The following PTPRT variants were observed in gnomAD, a reference collection of about 807,000 sequenced individuals.
The protein encoded by PTPRT is protein tyrosine phosphatase receptor type T, also known as receptor-type tyrosine-protein phosphatase T.
Under a neutral mutation model 176.8 loss-of-function variants are expected in PTPRT, and 56 were observed. The observed-to-expected ratio is 0.32, with a 90% CI of 0.26 to 0.40. The LOEUF is 0.40. PTPRT is among the 10% of genes least tolerant of loss of function. PTPRT has a pLI of 1.00. For synonymous variants in PTPRT, 783 were observed against 739.0 expected, an observed-to-expected ratio of 1.06 and a Z score of -0.96; for missense variants, 1,540 against 1,908.2, an observed-to-expected ratio of 0.81 and a Z score of 3.60.
the PTPRT span, among the ~76,000 whole-genome samples, chr20:42,039,589 T>C: frequency 6.6e-6 from 1 of 151,610 alleles, no homozygotes; most frequent in African/African-American, 2.4e-5. Context: ...AGTATTCATC[T>C]TTCTGTGCCT....
intron 7 of PTPRT, among the ~76,000 whole-genome samples, chr20:42,511,516 T>A (rs2071956436): frequency 6.6e-6 from 1 of 152,064 alleles, no homozygotes; most frequent in Non-Finnish European, 1.5e-5. Flanking sequence ...GGACTTTTTT[T>A]TTTTTCATGA....
intron 1 of PTPRT, among the ~76,000 whole-genome samples, chr20:43,046,627 G>A (rs1226006429): frequency 6.6e-6 from 1 of 152,070 alleles, no homozygotes; most frequent in Non-Finnish European, 1.5e-5. Context: ...CTGTGGTGGG[G>A]GCATGCAGTT....
chr20:42,633,895 TATATA>T (rs1260928627), intron 7 of PTPRT, among the ~76,000 whole-genome samples: 8 of 65,332 alleles, frequency 1.2e-4, no homozygotes, highest in East Asian at 3.8e-4. Flanking sequence ...ATAATTATTA[TATATA>T]ATATAATATA....
At chr20:42,727,298 T>A (rs1464385607) in intron 6 of PTPRT, among the ~76,000 whole-genome samples, 1 of 152,234 alleles carries the variant, frequency 6.6e-6, no homozygotes, top group Non-Finnish European at 1.5e-5. Context: ...ACTTGACATC[T>A]TTCGGTGAAG....
chr20:43,187,982 G>C (rs2015437286), intron 1 of PTPRT, among the ~76,000 whole-genome samples: 1 of 152,228 alleles, frequency 6.6e-6, no homozygotes, highest in East Asian at 1.9e-4. Flanking sequence ...TTCCCGAGCC[G>C]GTACGGGTTT....
intron 2 of PTPRT, among the ~76,000 whole-genome samples, chr20:42,868,809 G>A (rs2078794799): frequency 6.6e-6 from 1 of 152,128 alleles, no homozygotes; most frequent in Non-Finnish European, 1.5e-5. Flanking sequence ...ATGGCCTGGG[G>A]GACAAAACTG....
the PTPRT span, among the ~76,000 whole-genome samples, chr20:42,049,397 C>T: frequency 6.6e-6 from 1 of 152,248 alleles, no homozygotes; most frequent in Non-Finnish European, 1.5e-5. Context: ...GCTACATGGG[C>T]TCCACTGCCT....
At chr20:43,112,949 T>C (rs2012923120) in intron 1 of PTPRT, among the ~76,000 whole-genome samples, 1 of 152,004 alleles carries the variant, frequency 6.6e-6, no homozygotes, top group African/African-American at 2.4e-5. Context: ...TCTCCTGGGG[T>C]TTTGCATGTA....
rs188102459 is a variant in PTPRT at position 42,967,654 on chromosome 20, G to A, written c.89-81722C>T. Reference sequence around the variant, plus strand: ...ATTTGTTACTACAGCCCTACGAACCGAAAACAGTGACCAACCCCATTCACC... The same window carrying A: ...ATTTGTTACTACAGCCCTACGAACCAAAAACAGTGACCAACCCCATTCACC... On this transcript the variant is annotated intron_variant, in intron 1 of 30. Coordinates refer to ENST00000373187, the MANE Select transcript of PTPRT (RefSeq NM_007050.6). Among the ~76,000 whole-genome samples, 5 of 152,186 alleles carry A rather than the reference G, an allele frequency of 3.3e-5. No homozygotes were observed. In the East Asian group the frequency reaches 5.8e-4, roughly 18 times the overall value.
intron 9 of PTPRT, among the ~76,000 whole-genome samples, chr20:42,412,905 T>G (rs1320339967): frequency 2.0e-5 from 3 of 152,124 alleles, no homozygotes; most frequent in African/African-American, 7.2e-5. Context: ...AGAATTAATT[T>G]TAAAGGGGCA....
intron 1 of PTPRT, among the ~76,000 whole-genome samples, chr20:43,022,226 G>C (rs1357836606): frequency 1.3e-5 from 2 of 152,192 alleles, no homozygotes; most frequent in African/African-American, 4.8e-5. Context: ...ATAATCAATG[G>C]GGATAAACTT....
intron 1 of PTPRT, among the ~76,000 whole-genome samples, chr20:43,083,337 T>TATATATACAC (rs2011500777): frequency 1.9e-5 from 2 of 105,792 alleles, no homozygotes; most frequent in African/African-American, 7.3e-5. Flanking sequence ...TATATATATA[T>TATATATACAC]ATATATATAT....
chr20:43,135,496 G>T (rs905045086), intron 1 of PTPRT, among the ~76,000 whole-genome samples: 2 of 152,176 alleles, frequency 1.3e-5, no homozygotes, highest in East Asian at 1.9e-4. Context: ...ATGGTCTCCT[G>T]GTGGTTAGAA....
the PTPRT span, among the ~76,000 whole-genome samples, chr20:42,048,859 T>C: frequency 6.6e-6 from 1 of 152,196 alleles, no homozygotes; most frequent in Non-Finnish European, 1.5e-5. Flanking sequence ...TTCGCTCTTA[T>C]TGCCCAGGCT....
chr20:42,255,139 C>T (rs567075488), intron 13 of PTPRT, among the ~76,000 whole-genome samples: 5 of 152,190 alleles, frequency 3.3e-5, no homozygotes, highest in Non-Finnish European at 7.4e-5. Flanking sequence ...CTTTTGATGT[C>T]GAGATGCTAT....
Position 42,619,010 on chromosome 20 carries a change from A to T in PTPRT, c.1153+58856T>A, listed in dbSNP as rs1052788665. ...GATGTTAGCTGGTGATTTTGCTCGT[A>T]AGTTGATGCAGTTTCTTCCTAGTCT... is the stretch of plus-strand genomic sequence containing the variant. On this transcript the variant is annotated intron_variant, in intron 7 of 30. Transcript: ENST00000373187. 2.3e-3 allele frequency among the ~76,000 whole-genome samples: 342 copies of T among 151,584 alleles called. 2 individuals carry two copies. The highest frequency in any genetic ancestry group is 0.011 in the East Asian group (54 of 5,116).
intron 3 of PTPRT, among the ~76,000 whole-genome samples, chr20:42,788,677 C>A (rs2077328190): frequency 6.6e-6 from 1 of 152,148 alleles, no homozygotes; most frequent in Admixed American, 6.5e-5. Flanking sequence ...AAAATAAAAA[C>A]CTTAAGAAAA....
chr20:42,591,959 C>T (rs1388590047), intron 7 of PTPRT, among the ~76,000 whole-genome samples: 1 of 148,110 alleles, frequency 6.8e-6, no homozygotes, highest in Non-Finnish European at 1.5e-5. Context: ...TGGTCATGGT[C>T]AGTTTGCTGG....
intron 13 of PTPRT, among the ~76,000 whole-genome samples, chr20:42,275,974 A>G (rs1022501871): frequency 2.0e-5 from 3 of 152,150 alleles, no homozygotes; most frequent in Admixed American, 6.5e-5. Flanking sequence ...AAGTTTGACA[A>G]GATTTATAAA....
Sources: allele counts gnomAD v4.1 joint callset (sites outside exome capture counted in the v4.1 genomes callset), GRCh38; gene constraint gnomAD v4.1.1; transcripts MANE v1.5; gene names NCBI Gene and HGNC (gene_info 2026-07-23, HGNC 2026-07-21).